Variants in SHPK observed in about 807,000 individuals in gnomAD.
SHPK encodes the protein sedoheptulokinase, also known as carbohydrate kinase-like protein.
SHPK carries 51 observed loss-of-function variants against 46.3 expected under a neutral mutation model. The observed-to-expected ratio is 1.10, with a 90% CI of 0.88 to 1.39. SHPK has a LOEUF of 1.39. SHPK is among the 40% of genes most tolerant of loss of function. SHPK has a pLI of 0.00. For missense variants in SHPK, 668 were observed against 641.3 expected (o/e 1.04, Z -0.45); for synonymous variants, 290 against 273.9 (o/e 1.06, Z -0.58).
In SHPK at chr17:3,614,442, G is replaced by T. The variant is rs936800060; in HGVS notation, c.1024+895C>A. Among the ~76,000 whole-genome samples the T allele has an allele frequency of 1.4e-3, 204 of 150,914 alleles. 1 individual carries two copies. In the Middle Eastern group the frequency reaches 0.014, roughly 10 times the overall value. On this transcript the variant is annotated intron_variant, in intron 6 of 6. Transcript: ENST00000225519. ...TGGGAGGCTGAGGCAGGAGAATGGC[G>T]TGAACCTGGGAGGCGGAGATTGCAG...
chr17:3,618,047 G>A (rs138343234), intron 5 of SHPK, among the ~76,000 whole-genome samples: 17 of 152,308 alleles, frequency 1.1e-4, no homozygotes, highest in African/African-American at 3.8e-4. Context: ...TCCTGGCAGA[G>A]TGCTAGGAGT....
In SHPK at chr17:3,615,398, G is replaced by A. The variant is rs368723602; in HGVS notation, c.963C>T (p.Leu321=). 110 of 1,614,080 alleles carry A rather than the reference G, an allele frequency of 6.8e-5. No individual in the cohort carries two copies. The highest frequency in any genetic ancestry group is 8.7e-5 in the Non-Finnish European group (103 of 1,180,040). ...ACGTGGCCAGCACATTGCCCCCGTT[G>A]AGTGACGCGGCCACCCCCAGGTAGG... ...NRTYLGVAAS[L]NGGNVLATFV... is the part of the protein sequence containing the mutation. The change falls in exon 6 of 7, where the codon CTC becomes CTT. Residue 321 remains leucine (L), a synonymous_variant. Coordinates refer to ENST00000225519, the MANE Select transcript of SHPK (RefSeq NM_013276.4).
intron 2 of SHPK, among the ~76,000 whole-genome samples, chr17:3,626,850 G>C (rs368677366): frequency 6.6e-6 from 1 of 151,588 alleles, no homozygotes; most frequent in Admixed American, 6.6e-5. Context: ...AGCCCAGATC[G>C]CTCCATTGTA....
rs780016175 is a variant in SHPK, at chr17:3,636,112, C to T, written c.108G>A (p.Ala36=). The T allele has an allele frequency of 1.9e-6, 3 of 1,608,100 alleles. No individual in the cohort carries two copies. The East Asian group carries it at 6.7e-5, about 36-fold the overall frequency. ...CTGCCCGCGCAGCACGGGCACAGCT[C>T]GCCAGCACTGCGAACCCGGATGGGT... ...PDDPSGFAVL[A]SCARAARAEA... Residue 36 remains alanine, a synonymous_variant, in exon 1 of 7, where the codon GCG becomes GCA. Transcript: ENST00000225519.
At chr17:3,628,375 T>G (rs2075450821) in intron 2 of SHPK, among the ~76,000 whole-genome samples, 1 of 151,658 alleles carries the variant, frequency 6.6e-6, no homozygotes, top group South Asian at 2.1e-4. Flanking sequence ...CAGGTTGGAG[T>G]GCAGTGGCGC....
chr17:3,628,944 T>C (rs997646157), intron 2 of SHPK, among the ~76,000 whole-genome samples: 1 of 152,144 alleles, frequency 6.6e-6, no homozygotes, highest in Non-Finnish European at 1.5e-5. Context: ...TGAGCCACCA[T>C]GCCCGGCCTT....
At chr17:3,611,608 T>C (rs2737141) in intron 6 of SHPK, among the ~76,000 whole-genome samples, 13,492 of 151,988 alleles carry the variant, frequency 0.089, 764 homozygotes, top group East Asian at 0.23. Flanking sequence ...ATGGATGTCA[T>C]TGGGGTCGTT....
intron 1 of SHPK, among the ~76,000 whole-genome samples, chr17:3,634,084 G>A (rs1417003719): frequency 6.7e-6 from 1 of 149,614 alleles, no homozygotes; most frequent in Non-Finnish European, 1.5e-5. Context: ...CCCGTTAAGA[G>A]TCATCACCAC....
chr17:3,632,002 G>A (rs2075475457), intron 1 of SHPK, among the ~76,000 whole-genome samples: 1 of 151,968 alleles, frequency 6.6e-6, no homozygotes, highest in Non-Finnish European at 1.5e-5. Context: ...CTGTCACCAG[G>A]TTGGAGTGCA....
chr17:3,621,219 A>G lies in SHPK; in HGVS notation c.823+18T>C. On this transcript the variant is annotated intron_variant, in intron 5 of 6. Transcript: ENST00000225519. ...GGCGACAGTGTAAGTCTGAGGACAG[A>G]ACAAAAGAAAAACTTACCTGCATCT... 1 of 1,584,254 alleles carries G rather than the reference A, an allele frequency of 6.3e-7. No homozygotes were observed. The highest frequency in any genetic ancestry group is 8.6e-7 in the Non-Finnish European group (1 of 1,165,048).
At chr17:3,621,542 TCCC>T in intron 4 of SHPK, 130 bp from the exon 5 acceptor site, 1 of 746,610 alleles carries the variant, frequency 1.3e-6, no homozygotes, top group Non-Finnish European at 2.1e-6. Flanking sequence ...CCTCCCTCCC[TCCC>T]TTCTCTTTAC....
At chr17:3,629,779 ATGTAAACAACGACAAATG>A (rs2075459523) in intron 2 of SHPK, among the ~76,000 whole-genome samples, 1 of 151,766 alleles carries the variant, frequency 6.6e-6, no homozygotes, top group Non-Finnish European at 1.5e-5. Flanking sequence ...AATCACAAAT[ATGTAAACAACGACAAATG>A]TGCCCCAATT....
intron 5 of SHPK, among the ~76,000 whole-genome samples, chr17:3,620,496 G>A (rs2075394104): frequency 6.6e-6 from 1 of 151,402 alleles, no homozygotes. Context: ...TCGATCTCCT[G>A]ACCTCGTGAT....
At chr17:3,633,101 C>T (rs2075483045) in intron 1 of SHPK, among the ~76,000 whole-genome samples, 1 of 151,274 alleles carries the variant, frequency 6.6e-6, no homozygotes, top group Non-Finnish European at 1.5e-5. Context: ...GCCTCAGCCT[C>T]CCAAGTAGCT....
rs765882675 is a variant in SHPK, at chr17:3,615,344, TG to T, written c.1016del (p.Ala339GlufsTer3). The T allele has an allele frequency of 3.1e-6, 5 of 1,613,940 alleles. No homozygotes were observed. Among genetic ancestry groups the T allele is most frequent in the Non-Finnish European group, 4.2e-6 (5 of 1,179,950 alleles). On this transcript the variant is annotated frameshift_variant, in exon 6 of 7. Coordinates refer to ENST00000225519, the MANE Select transcript of SHPK (RefSeq NM_013276.4). LOFTEE classifies it high-confidence loss of function. ...GTGTGGGCCACACCTTACCTAGATCTGCCATCCACTGAACCAGCATGTGGAC... is the reference window on the plus strand; with the variant it reads ...GTGTGGGCCACACCTTACCTAGATCTCCATCCACTGAACCAGCATGTGGAC... ...TFVHMLVQWM[A>X]DLGLEVEEST...
At chr17:3,611,008 C>G (rs1269491006) in intron 6 of SHPK, 36 bp from the exon 7 acceptor site, 1 of 1,557,686 alleles carries the variant, frequency 6.4e-7, no homozygotes, top group South Asian at 1.2e-5. Context: ...TAAGCTCATG[C>G]GTCCCCCTCA....
intron 1 of SHPK, 68 bp downstream of exon 1, chr17:3,635,984 C>A: frequency 2.1e-6 from 3 of 1,421,278 alleles, no homozygotes; most frequent in Non-Finnish European, 2.8e-6. Context: ...GTCAGGGAGG[C>A]CTCCTGGGGT....
chr17:3,615,464 G>A lies in SHPK; in HGVS notation c.897C>T (p.Asp299=). The A allele has an allele frequency of 6.2e-7, 1 of 1,614,154 alleles. No homozygotes were observed. Among genetic ancestry groups the A allele is most frequent in the Non-Finnish European group, 8.5e-7 (1 of 1,180,008 alleles). Residue 299 remains aspartate (D), a synonymous_variant, in exon 6 of 7, where the codon GAC becomes GAT. Transcript: ENST00000225519. ...GGAAGTAGGCGACTGGGGCCGTAGG[G>A]TCTGGAGTCTGTGCAGGCTGGAATC... The part of the protein sequence containing the change: ...PSGFQPAQTP[D]PTAPVAYFPY...
rs201918253 is a variant in SHPK, at chr17:3,611,569, AAAAC to A, written c.1025-601_1025-598del. Among the ~76,000 whole-genome samples, 11 of 152,162 alleles carry A rather than the reference AAAAC, an allele frequency of 7.2e-5. No individual in the cohort carries two copies. The East Asian group carries it at 1.4e-3, about 19-fold the overall frequency. ...GGGCAACAAGAGCAAGACTCCATCT[AAAAC>A]AAACAAACAAACAAAACTATCATCA... On this transcript the variant is annotated intron_variant, in intron 6 of 6. Coordinates refer to ENST00000225519, the MANE Select transcript of SHPK (RefSeq NM_013276.4).
Sources: allele counts gnomAD v4.1 joint callset (sites outside exome capture counted in the v4.1 genomes callset), GRCh38; gene constraint gnomAD v4.1.1; transcripts MANE v1.5; gene names NCBI Gene and HGNC (gene_info 2026-07-23, HGNC 2026-07-21).